Variants in OR7D2 observed in about 807,000 individuals in gnomAD.
OR7D2 encodes the protein olfactory receptor 7D2.
For synonymous variants in OR7D2, 158 were observed against 158.7 expected (o/e 1.00, Z 0.03); for missense variants, 370 against 384.1 (o/e 0.96, Z 0.31).
chr19:9,187,973 A>C lies in OR7D2; in HGVS notation c.*1253A>C, dbSNP rs1476420212. ...TGGTTCCATGCCTTTGTAATTGCTA[A>C]TTATGTTGCTATAAACATGCAGGTG... On this transcript the variant is annotated 3_prime_UTR_variant, in exon 3 of 3. Coordinates refer to ENST00000641288, the MANE Select transcript of OR7D2 (RefSeq NM_175883.4). 1 of 166,922 alleles carries C rather than the reference A, an allele frequency of 6.0e-6. No individual in the cohort carries two copies. Among genetic ancestry groups the C allele is most frequent in the Non-Finnish European group, 1.5e-5 (1 of 68,134 alleles). The allele number at this position is 166,922 out of a possible 1,614,324, so 10.3% of individuals were successfully genotyped here. A position where few individuals can be genotyped will look rare whatever the true frequency, so the allele number is the denominator to read the frequency against.
chr19:9,185,026 C>T (rs767544636), intron 2 of OR7D2, among the ~76,000 whole-genome samples: 4 of 151,420 alleles, frequency 2.6e-5, no homozygotes, highest in Non-Finnish European at 5.9e-5. Context: ...AGGAGGGGTG[C>T]GGCTGGGGGA....
intron 2 of OR7D2, among the ~76,000 whole-genome samples, chr19:9,183,892 A>G (rs1599210710): frequency 1.6e-5 from 2 of 128,636 alleles, no homozygotes; most frequent in Middle Eastern, 5.0e-3. Context: ...CAGGGGGCGG[A>G]GCCTGCAGTG....
In OR7D2 at chr19:9,179,093, G is replaced by A. The variant is rs2050973015; in HGVS notation, c.-135G>A. ...CATTCAACAGTCAGGGGAGGAAGAC[G>A]TCATACCAGCATTTTTTTTTTTCAA... is the stretch of plus-strand genomic sequence containing the variant. On this transcript the variant is annotated 5_prime_UTR_variant, in exon 1 of 3. Coordinates refer to ENST00000641288, the MANE Select transcript of OR7D2 (RefSeq NM_175883.4). 7.1e-6 allele frequency: 1 copy of A among 141,634 alleles called. No homozygotes were observed. Among genetic ancestry groups the A allele is most frequent in the African/African-American group, 2.7e-5 (1 of 37,176 alleles). 8.8% of individuals were successfully genotyped at this position (141,634 alleles called of 1,614,324 possible). A position where few individuals can be genotyped will look rare whatever the true frequency, so the allele number is the denominator to read the frequency against.
At position 9,186,629 on chromosome 19, in the gene OR7D2, C is replaced by T; in HGVS notation, c.848C>T (p.Pro283Leu). The T allele has an allele frequency of 6.2e-7, 1 of 1,614,030 alleles. No homozygotes were observed. Among genetic ancestry groups the T allele is most frequent in the Non-Finnish European group, 8.5e-7 (1 of 1,179,996 alleles). ...TCGGTGATGTACACTGTGGTCACCC[C>T]CATGTTGAACCCCTTCATCTACAGC... ...VASVMYTVVTPMLNPFIYSLR... is the reference protein window; with the variant it reads ...VASVMYTVVTLMLNPFIYSLR... The change falls in exon 3 of 3, where the codon CCC becomes CTC. Residue 283 changes from proline (P) to leucine (L), a missense_variant. Transcript: ENST00000641288.
intron 2 of OR7D2, chr19:9,182,906 C>T: frequency 2.5e-6 from 1 of 395,692 alleles, no homozygotes; most frequent in Non-Finnish European, 5.0e-6. Flanking sequence ...TTGACCTGGG[C>T]CACTCAACAT....
In OR7D2 at chr19:9,186,042, C is replaced by G; in HGVS notation, c.261C>G (p.Thr87=). The G allele has an allele frequency of 2.5e-6, 4 of 1,614,092 alleles. No individual in the cohort carries two copies. The highest frequency in any genetic ancestry group is 3.4e-6 in the Non-Finnish European group (4 of 1,180,018). The change falls in exon 3 of 3, where the codon ACC becomes ACG. Residue 87 remains threonine, a synonymous_variant. Transcript: ENST00000641288. ...CCAAGATGCTGGTGAACATCCAGAC[C>G]GAGAACAAAGCCATCTCCTACATGG... ...IVPKMLVNIQ[T]ENKAISYMDC...
At chr19:9,180,184 A>T (rs1441852600) in intron 1 of OR7D2, among the ~76,000 whole-genome samples, 1 of 149,156 alleles carries the variant, frequency 6.7e-6, no homozygotes, top group Admixed American at 6.8e-5. Context: ...GTTGTAATTA[A>T]TTGTGTTTAA....
chr19:9,182,946 G>T, intron 2 of OR7D2: 1 of 453,856 alleles, frequency 2.2e-6, no homozygotes, highest in Admixed American at 2.6e-5. Flanking sequence ...GTTAATGCAC[G>T]TTCTTTTTTG....
At chr19:9,181,892 G>A (rs79892658) in intron 2 of OR7D2, among the ~76,000 whole-genome samples, 1 of 152,088 alleles carries the variant, frequency 6.6e-6, no homozygotes, top group Non-Finnish European at 1.5e-5. Flanking sequence ...ATGTTTCGCT[G>A]TTTCCAGTGA....
intron 2 of OR7D2, chr19:9,182,433 G>T: frequency 3.1e-6 from 1 of 323,740 alleles, no homozygotes; most frequent in South Asian, 5.6e-5. Flanking sequence ...TGGGAATTCG[G>T]GAATCTCGGT....
chr19:9,186,563 C>T lies in OR7D2; in HGVS notation c.782C>T (p.Thr261Ile). 1 of 1,614,134 alleles carries T rather than the reference C, an allele frequency of 6.2e-7. No homozygotes were observed. ...GGGACAGGCATTGGGGTCCACTTCA[C>T]TTCTGCGGTGACTCACTCTTCCCAG... ...FYGTGIGVHF[T>I]SAVTHSSQKI... Residue 261 changes from threonine to isoleucine, a missense_variant, in exon 3 of 3, where the codon ACT becomes ATT. Coordinates refer to ENST00000641288, the MANE Select transcript of OR7D2 (RefSeq NM_175883.4).
At chr19:9,183,867 G>C (rs2051009181) in intron 2 of OR7D2, among the ~76,000 whole-genome samples, 1 of 142,492 alleles carries the variant, frequency 7.0e-6, no homozygotes, top group East Asian at 2.2e-4. Context: ...TGAGGCAGGA[G>C]AATGGCGTGA....
Position 9,186,429 on chromosome 19 carries a change from C to T in OR7D2, c.648C>T (p.Phe216=), listed in dbSNP as rs2051034802. Residue 216 remains phenylalanine, a synonymous_variant, in exon 3 of 3, where the codon TTC becomes TTT. Transcript: ENST00000641288. ...LGVFPLLGII[F]SYSRIASSIR... is the part of the protein sequence containing the mutation. The stretch of plus-strand genomic sequence containing the variant: ...TTTTTCCCCTCCTTGGGATCATTTT[C>T]TCTTATTCACGAATTGCTTCATCCA... 1 of 1,614,022 alleles carries T rather than the reference C, an allele frequency of 6.2e-7. No individual in the cohort carries two copies. The highest frequency in any genetic ancestry group is 1.3e-5 in the African/African-American group (1 of 74,912).
In OR7D2 at chr19:9,185,820, C is replaced by T; in HGVS notation, c.39C>T (p.Ile13=). The change falls in exon 3 of 3, where the codon ATC becomes ATT. Residue 13 remains isoleucine, a synonymous_variant. Transcript: ENST00000641288. ...ACCAAACAGGATTTTTAGAGTTTATCCTTCTCGGACTCTCTGAGGATCCAG... is the reference window on the plus strand; with the variant it reads ...ACCAAACAGGATTTTTAGAGTTTATTCTTCTCGGACTCTCTGAGGATCCAG... ...AGNQTGFLEF[I]LLGLSEDPEL... The T allele has an allele frequency of 6.3e-7, 1 of 1,597,906 alleles. No individual in the cohort carries two copies. The highest frequency in any genetic ancestry group is 8.5e-7 in the Non-Finnish European group (1 of 1,172,652).
chr19:9,186,117 G>T lies in OR7D2; in HGVS notation c.336G>T (p.Thr112=). The change falls in exon 3 of 3, where the codon ACG becomes ACT. Residue 112 remains threonine (T), a synonymous_variant. Transcript: ENST00000641288. ...YFSMFFPILD[T]LLLTVMAYDR... is the part of the protein sequence containing the mutation. Reference sequence around the variant, plus strand: ...CCATGTTTTTTCCTATTCTGGACACGCTACTCCTGACCGTGATGGCCTATG... The same window carrying T: ...CCATGTTTTTTCCTATTCTGGACACTCTACTCCTGACCGTGATGGCCTATG... 6.2e-7 allele frequency: 1 copy of T among 1,614,024 alleles called. No homozygotes were observed. Among genetic ancestry groups the T allele is most frequent in the South Asian group, 1.1e-5 (1 of 91,078 alleles).
intron 1 of OR7D2, among the ~76,000 whole-genome samples, 166 bp downstream of exon 1, chr19:9,179,289 G>T (rs959345645): frequency 6.6e-5 from 10 of 152,126 alleles, no homozygotes. Flanking sequence ...TTAAGGCATT[G>T]CAACTTTTGG....
intron 2 of OR7D2, among the ~76,000 whole-genome samples, chr19:9,181,766 A>G (rs2050991025): frequency 6.6e-6 from 1 of 152,014 alleles, no homozygotes; most frequent in Non-Finnish European, 1.5e-5. Flanking sequence ...TTTGTATTTT[A>G]TGGCACTGAC....
Position 9,186,097 on chromosome 19 carries a change from T to A in OR7D2, c.316T>A (p.Phe106Ile). Reference sequence around the variant, plus strand: ...CCTCACACAGGTCTATTTCTCCATGTTTTTTCCTATTCTGGACACGCTACT... The same window carrying A: ...CCTCACACAGGTCTATTTCTCCATGATTTTTCCTATTCTGGACACGCTACT... The part of the protein sequence containing the change: ...DCLTQVYFSM[F>I]FPILDTLLLT... Residue 106 changes from phenylalanine to isoleucine, a missense_variant, in exon 3 of 3, where the codon TTT (phenylalanine) becomes ATT (isoleucine). Physicochemically the swap from Phe to Ile is conservative, Grantham distance 21. Transcript: ENST00000641288. The A allele has an allele frequency of 6.2e-7, 1 of 1,614,044 alleles. No homozygotes were observed. The highest frequency in any genetic ancestry group is 1.1e-5 in the South Asian group (1 of 91,068).
intron 1 of OR7D2, among the ~76,000 whole-genome samples, chr19:9,179,404 G>A (rs973346170): frequency 1.3e-5 from 2 of 152,044 alleles, no homozygotes; most frequent in East Asian, 1.9e-4. Flanking sequence ...GCTGGGCATG[G>A]TGGCGGATGC....
Sources: allele counts gnomAD v4.1 joint callset (sites outside exome capture counted in the v4.1 genomes callset), GRCh38; gene constraint gnomAD v4.1.1; transcripts MANE v1.5; gene names NCBI Gene and HGNC (gene_info 2026-07-23, HGNC 2026-07-21).